ERLEC1: variants seen among roughly 807,000 people sequenced by gnomAD.
ERLEC1 encodes endoplasmic reticulum lectin 1.
A neutral mutation model predicts 68.0 loss-of-function variants in ERLEC1; 47 were observed. The ratio of observed to expected loss-of-function variants is 0.69; its 90% CI spans 0.55 to 0.88. The LOEUF (loss-of-function observed/expected upper bound fraction) is 0.88, where lower values mean the gene tolerates loss of function less well. Ranked by LOEUF, ERLEC1 falls within the 40% of genes least tolerant of loss-of-function variation. The probability of loss-of-function intolerance (pLI) is 0.00; values close to 1 mark genes in which losing one functional copy is unlikely to be tolerated. For synonymous variants in ERLEC1, 225 were observed against 203.2 expected, an observed-to-expected ratio of 1.11 and a Z score of -0.91; for missense variants, 567 against 583.8, an observed-to-expected ratio of 0.97 and a Z score of 0.30.
chr2:53,816,409 G>A (rs1356707274), intron 13 of ERLEC1, among the ~76,000 whole-genome samples: 8 of 151,844 alleles, frequency 5.3e-5, no homozygotes, highest in Admixed American at 5.3e-4. Flanking sequence ...TGGTATTACA[G>A]GCATATATGG....
chr2:53,805,437 C>T (rs1676247750), intron 8 of ERLEC1, among the ~76,000 whole-genome samples: 1 of 152,100 alleles, frequency 6.6e-6, no homozygotes, highest in African/African-American at 2.4e-5. Context: ...GGGCTGGTTT[C>T]GAACTCCTGA....
chr2:53,818,062 C>T lies in ERLEC1; in HGVS notation c.*93C>T. 1.2e-6 allele frequency: 1 copy of T among 817,386 alleles called. No homozygotes were observed. Among genetic ancestry groups the T allele is most frequent in the Non-Finnish European group, 2.1e-6 (1 of 475,514 alleles). 50.6% of individuals were successfully genotyped at this position (817,386 alleles called of 1,614,324 possible). A position where few individuals can be genotyped will look rare whatever the true frequency, so the allele number is the denominator to read the frequency against. On this transcript the variant is annotated 3_prime_UTR_variant, in exon 14 of 14. Transcript: ENST00000185150. ...CATTATAGAGTTCTCAGCCATTGGACCTCTTCTAAAGGATGGTATAAAATG... is the reference window on the plus strand; with the variant it reads ...CATTATAGAGTTCTCAGCCATTGGATCTCTTCTAAAGGATGGTATAAAATG...
chr2:53,796,023 TTA>T lies in ERLEC1; in HGVS notation c.348+12_348+13del. On this transcript the variant is annotated intron_variant, in intron 3 of 13. Transcript: ENST00000185150. The stretch of plus-strand genomic sequence containing the variant: ...CAGTTGTTCCTACAGAGTATGTATT[TTA>T]TGTTTACTTGATGACTAGAAAATAG... The T allele has an allele frequency of 6.5e-7, 1 of 1,546,226 alleles. No homozygotes were observed. Among genetic ancestry groups the T allele is most frequent in the Middle Eastern group, 1.7e-4 (1 of 5,862 alleles).
intron 2 of ERLEC1, among the ~76,000 whole-genome samples, chr2:53,794,741 G>A (rs1343153322): frequency 2.0e-5 from 3 of 152,046 alleles, no homozygotes; most frequent in Admixed American, 6.6e-5. Flanking sequence ...TGCAACCTCC[G>A]ACTCCCGGGT....
intron 9 of ERLEC1, among the ~76,000 whole-genome samples, 160 bp downstream of exon 9, chr2:53,808,620 C>T (rs578179515): frequency 5.3e-5 from 8 of 152,310 alleles, no homozygotes; most frequent in African/African-American, 1.9e-4. Context: ...CATACCCCCA[C>T]GTTTCTGTAA....
At position 53,803,596 on chromosome 2, in the gene ERLEC1, CAA is replaced by C. The variant is rs55851874; in HGVS notation, c.879+1770_879+1771del. On this transcript the variant is annotated intron_variant, in intron 8 of 13. Coordinates refer to ENST00000185150, the MANE Select transcript of ERLEC1 (RefSeq NM_015701.5). ...CTAGACAACTAAAACCCTGTCTCTA[CAA>C]AAAAAAAAAAAAAAATTCAGCCAGT... Among the ~76,000 whole-genome samples the C allele has an allele frequency of 6.1e-3, 659 of 108,728 alleles. 5 individuals are homozygous for C. Among genetic ancestry groups the C allele is most frequent in the African/African-American group, 0.019 (582 of 30,200 alleles). 71.3% of individuals were successfully genotyped at this position (108,728 alleles called of 152,430 possible).
chr2:53,791,164 G>A lies in ERLEC1; in HGVS notation c.163-3181G>A, dbSNP rs187138607. Reference sequence around the variant, plus strand: ...ACCAACCTAATTCCTCCAGACCCACGTCAAACATTAGGAGTTCCTCTCATG... The same window carrying A: ...ACCAACCTAATTCCTCCAGACCCACATCAAACATTAGGAGTTCCTCTCATG... On this transcript the variant is annotated intron_variant, in intron 1 of 13. Transcript: ENST00000185150. 2.3e-3 allele frequency among the ~76,000 whole-genome samples: 355 copies of A among 152,266 alleles called. 1 individual carries two copies. Among genetic ancestry groups the A allele is most frequent in the African/African-American group, 8.1e-3 (338 of 41,550 alleles).
intron 2 of ERLEC1, among the ~76,000 whole-genome samples, chr2:53,795,238 C>T (rs923619902): frequency 1.3e-4 from 20 of 152,248 alleles, no homozygotes; most frequent in East Asian, 9.7e-4. Flanking sequence ...GGAAGGACAC[C>T]GGCCTAGGAG....
In ERLEC1 at chr2:53,818,043, A is replaced by G; in HGVS notation, c.*74A>G. On this transcript the variant is annotated 3_prime_UTR_variant, in exon 14 of 14. Transcript: ENST00000185150. ...TTTCTGTCCCACTGTGTCTCATTAT[A>G]GAGTTCTCAGCCATTGGACCTCTTC... is the stretch of plus-strand genomic sequence containing the variant. The G allele has an allele frequency of 2.0e-6, 2 of 987,558 alleles. No homozygotes were observed. Among genetic ancestry groups the G allele is most frequent in the Non-Finnish European group, 3.2e-6 (2 of 616,788 alleles). The allele number at this position is 987,558 out of a possible 1,614,324, so 61.2% of individuals were successfully genotyped here. A position where few individuals can be genotyped will look rare whatever the true frequency, so the allele number is the denominator to read the frequency against.
intron 10 of ERLEC1, among the ~76,000 whole-genome samples, chr2:53,809,474 AT>A (rs1404874784): frequency 2.0e-4 from 30 of 152,370 alleles, no homozygotes; most frequent in African/African-American, 6.7e-4. Context: ...GATATTGCTT[AT>A]TAATTACTCA....
intron 6 of ERLEC1, among the ~76,000 whole-genome samples, chr2:53,800,157 G>A (rs188178048): frequency 2.0e-5 from 3 of 152,202 alleles, no homozygotes; most frequent in Admixed American, 6.5e-5. Context: ...ACATAATAGA[G>A]TGTACTTACA....
chr2:53,808,355 T>C lies in ERLEC1; in HGVS notation c.936T>C (p.Ala312=), dbSNP rs1313760576. The C allele has an allele frequency of 6.2e-7, 1 of 1,614,214 alleles. No homozygotes were observed. Among genetic ancestry groups the C allele is most frequent in the East Asian group, 2.2e-5 (1 of 44,878 alleles). ...TTCCAGCGATCCACAAGTCGATTGC[T>C]ATTGGCTCTCAGCCAGTGCTCACTG... is the stretch of plus-strand genomic sequence containing the variant. ...ERFPAIHKSI[A]IGSQPVLTVG... is the part of the protein sequence containing the mutation. The change falls in exon 9 of 14, where the codon GCT becomes GCC. Residue 312 remains alanine, a synonymous_variant. Transcript: ENST00000185150.
chr2:53,797,537 A>G lies in ERLEC1; in HGVS notation c.371A>G (p.Glu124Gly). 1 of 1,612,420 alleles carries G rather than the reference A, an allele frequency of 6.2e-7. No homozygotes were observed. The highest frequency in any genetic ancestry group is 8.5e-7 in the Non-Finnish European group (1 of 1,179,384). The change falls in exon 4 of 14, where the codon GAA (glutamate) becomes GGA (glycine). Residue 124 changes from glutamate to glycine, a missense_variant. Transcript: ENST00000185150. ...SYRIESYWTY[E>G]VCHGKHIRQY... ...TAGATTGAGTCTTATTGGACTTACG[A>G]AGTATGTCATGGAAAACACATTCGG...
intron 10 of ERLEC1, among the ~76,000 whole-genome samples, chr2:53,810,934 A>C (rs1198898041): frequency 6.6e-6 from 1 of 152,204 alleles, no homozygotes; most frequent in Non-Finnish European, 1.5e-5. Context: ...AATTAAAGAA[A>C]TGTATGCCAG....
In ERLEC1 at chr2:53,797,934, C is replaced by T. The variant is rs777274155; in HGVS notation, c.490+139C>T. ...GAAATAGGCTGGGCGCGGTGGCTGA[C>T]GCGTGTAATCCCAGCACTTTGGGAG... On this transcript the variant is annotated intron_variant, in intron 5 of 13. Coordinates refer to ENST00000185150, the MANE Select transcript of ERLEC1 (RefSeq NM_015701.5). 5.1e-4 allele frequency: 375 copies of T among 738,784 alleles called. 2 individuals are homozygous for T. The highest frequency in any genetic ancestry group is 1.5e-3 in the South Asian group (93 of 61,126). 45.8% of individuals were successfully genotyped at this position (738,784 alleles called of 1,614,324 possible).
chr2:53,794,389 G>A lies in ERLEC1; in HGVS notation c.207G>A (p.Met69Ile). Residue 69 changes from methionine (M) to isoleucine (I), a missense_variant, in exon 2 of 14, where the codon ATG becomes ATA. Coordinates refer to ENST00000185150, the MANE Select transcript of ERLEC1 (RefSeq NM_015701.5). ...ATAAAGAAGATAATTATGTCATCAT[G>A]ACAACTGCACATAAAGAAAAATATA... is the stretch of plus-strand genomic sequence containing the variant. The part of the protein sequence containing the change: ...VLYKEDNYVI[M>I]TTAHKEKYKC... The A allele has an allele frequency of 2.5e-6, 4 of 1,589,580 alleles. No homozygotes were observed. Among genetic ancestry groups the A allele is most frequent in the Admixed American group, 1.8e-5 (1 of 55,660 alleles).
intron 1 of ERLEC1, among the ~76,000 whole-genome samples, chr2:53,789,108 T>C (rs1156413406): frequency 6.6e-6 from 1 of 151,640 alleles, no homozygotes; most frequent in Non-Finnish European, 1.5e-5. Flanking sequence ...AAAAAAAAAA[T>C]GCTTTGGCCA....
intron 1 of ERLEC1, among the ~76,000 whole-genome samples, chr2:53,789,276 C>G (rs1244134173): frequency 6.6e-6 from 1 of 151,572 alleles, no homozygotes; most frequent in Non-Finnish European, 1.5e-5. Context: ...CACCAGTGCT[C>G]CCAGCTACTT....
chr2:53,792,116 G>A (rs904334328), intron 1 of ERLEC1, among the ~76,000 whole-genome samples: 5 of 151,628 alleles, frequency 3.3e-5, no homozygotes, highest in East Asian at 1.9e-4. Context: ...GGGTTTCACC[G>A]TCTTAGCCAG....
Sources: allele counts gnomAD v4.1 joint callset (sites outside exome capture counted in the v4.1 genomes callset), GRCh38; gene constraint gnomAD v4.1.1; transcripts MANE v1.5; gene names NCBI Gene and HGNC (gene_info 2026-07-23, HGNC 2026-07-21).